Variants in NAALADL2 observed in about 807,000 individuals in gnomAD.
NAALADL2 encodes inactive N-acetylated-alpha-linked acidic dipeptidase-like protein 2.
A neutral mutation model predicts 87.2 loss-of-function variants in NAALADL2; 76 were observed. The ratio of observed to expected loss-of-function variants is 0.87; its 90% confidence interval spans 0.72 to 1.05. NAALADL2 has a LOEUF of 1.05. Among genes scored for constraint, NAALADL2 ranks in the 50% least tolerant of loss-of-function variants. The pLI is 0.00. For synonymous variants in NAALADL2, 354 were observed against 331.0 expected (o/e 1.07, Z -0.75); for missense variants, 1,089 against 945.8 (o/e 1.15, Z -1.99).
At chr3:174,709,299 G>C (rs577535756) in intron 2 of NAALADL2, among the ~76,000 whole-genome samples, 3 of 151,966 alleles carry the variant, frequency 2.0e-5, no homozygotes, top group Non-Finnish European at 4.4e-5. Context: ...AGTAAGAAAC[G>C]GTACTTTGTG....
Position 174,688,182 on chromosome 3 carries a change from A to G in NAALADL2, c.-114-49459A>G, listed in dbSNP as rs9863223. ...CCTGCCACTAAGTCCTGGCTTCACC[A>G]TATGTAAAATCTGTTGTCTTGGATA... On this transcript the variant is annotated intron_variant, in intron 2 of 3. Coordinates refer to the NAALADL2 transcript ENST00000434257. Among the ~76,000 whole-genome samples the G allele has an allele frequency of 2.3e-3, 356 of 152,284 alleles. 1 individual carries two copies. Among genetic ancestry groups the G allele is most frequent in the African/African-American group, 8.2e-3 (340 of 41,566 alleles).
At chr3:174,952,672 G>A (rs555344754) in intron 1 of NAALADL2, among the ~76,000 whole-genome samples, 1 of 152,222 alleles carries the variant, frequency 6.6e-6, no homozygotes, top group East Asian at 1.9e-4. Context: ...TGACGTGGTT[G>A]TGTTTGTAAC....
intron 3 of NAALADL2, among the ~76,000 whole-genome samples, chr3:175,246,991 G>A (rs1748112258): frequency 1.3e-5 from 2 of 152,168 alleles, no homozygotes. Context: ...ACTTTGGGGT[G>A]TGGAATTCCC....
At chr3:175,214,133 G>T (rs1429810299) in intron 2 of NAALADL2, among the ~76,000 whole-genome samples, 1 of 152,100 alleles carries the variant, frequency 6.6e-6, no homozygotes, top group Admixed American at 6.6e-5. Flanking sequence ...ATTTGGAGAA[G>T]AAATACTGGC....
At chr3:174,782,464 T>C (rs1443196846) in intron 3 of NAALADL2, among the ~76,000 whole-genome samples, 9 of 151,864 alleles carry the variant, frequency 5.9e-5, no homozygotes, top group African/African-American at 2.2e-4. Flanking sequence ...TACAACAAGA[T>C]GAAAAATTTG....
At chr3:174,487,719 AAGT>A (rs1717943541) in intron 1 of NAALADL2, among the ~76,000 whole-genome samples, 1 of 151,402 alleles carries the variant, frequency 6.6e-6, no homozygotes, top group Non-Finnish European at 1.5e-5. Context: ...TAACAATAGT[AAGT>A]AGTACAGATT....
chr3:175,294,072 G>T (rs1421843581), intron 4 of NAALADL2, among the ~76,000 whole-genome samples: 1 of 152,146 alleles, frequency 6.6e-6, no homozygotes, highest in Non-Finnish European at 1.5e-5. Context: ...TAGGCAAGAG[G>T]AGTAAGATCC....
chr3:175,135,562 T>A (rs1728991203), intron 2 of NAALADL2, among the ~76,000 whole-genome samples: 1 of 152,054 alleles, frequency 6.6e-6, no homozygotes, highest in Admixed American at 6.5e-5. Flanking sequence ...TGATTAAAAA[T>A]TACCGAGGAA....
intron 2 of NAALADL2, among the ~76,000 whole-genome samples, chr3:175,200,020 A>G (rs1014120727): frequency 6.6e-6 from 1 of 151,246 alleles, no homozygotes; most frequent in African/African-American, 2.4e-5. Context: ...CGAAAAGTCC[A>G]ACTGATCATT....
At chr3:175,012,500 C>T (rs542944226) in intron 1 of NAALADL2, among the ~76,000 whole-genome samples, 3 of 152,048 alleles carry the variant, frequency 2.0e-5, no homozygotes, top group Non-Finnish European at 2.9e-5. Flanking sequence ...AATGTTTACT[C>T]CTGAATTGTC....
chr3:175,196,169 C>G (rs190709235), intron 2 of NAALADL2, among the ~76,000 whole-genome samples: 15 of 151,906 alleles, frequency 9.9e-5, no homozygotes, highest in African/African-American at 3.1e-4. Flanking sequence ...TTTATATAAT[C>G]AAAAGCTGGT....
intron 2 of NAALADL2, among the ~76,000 whole-genome samples, chr3:174,689,390 G>A (rs1327127794): frequency 7.9e-6 from 1 of 126,434 alleles, no homozygotes; most frequent in Non-Finnish European, 1.8e-5. Context: ...TCTACCCCCC[G>A]CTTCACCTTT....
chr3:175,285,734 T>C (rs1350463063), intron 4 of NAALADL2, among the ~76,000 whole-genome samples: 5 of 152,134 alleles, frequency 3.3e-5, no homozygotes, highest in African/African-American at 1.2e-4. Context: ...TATATCTATA[T>C]TTTAAATGTC....
intron 1 of NAALADL2, among the ~76,000 whole-genome samples, chr3:174,953,538 T>C (rs1367168730): frequency 6.6e-6 from 1 of 151,880 alleles, no homozygotes; most frequent in Non-Finnish European, 1.5e-5. Flanking sequence ...ATGGAAGTCA[T>C]TGTTGCCTCC....
At chr3:174,908,521 C>T (rs1733265129) in intron 1 of NAALADL2, among the ~76,000 whole-genome samples, 1 of 151,954 alleles carries the variant, frequency 6.6e-6, no homozygotes, top group Non-Finnish European at 1.5e-5. Context: ...AATTTATTTT[C>T]AAAGTGGGTT....
intron 3 of NAALADL2, among the ~76,000 whole-genome samples, chr3:174,838,215 C>G (rs974275202): frequency 6.6e-5 from 10 of 151,934 alleles, no homozygotes; most frequent in Admixed American, 3.3e-4. Context: ...ATGTGATACA[C>G]CACATAAAGA....
chr3:175,144,562 G>A (rs1580681737), intron 2 of NAALADL2, among the ~76,000 whole-genome samples: 1 of 152,002 alleles, frequency 6.6e-6, no homozygotes, highest in Middle Eastern at 3.4e-3. Flanking sequence ...TCCAGAGATG[G>A]CCACTTTTAG....
At chr3:175,389,627 A>G (rs906466768) in intron 5 of NAALADL2, among the ~76,000 whole-genome samples, 20 of 152,364 alleles carry the variant, frequency 1.3e-4, no homozygotes, top group African/African-American at 4.6e-4. Flanking sequence ...ATAACTGTGA[A>G]TAAATCTTTC....
At chr3:174,931,422 G>T (rs1269396985) in intron 1 of NAALADL2, among the ~76,000 whole-genome samples, 1 of 152,070 alleles carries the variant, frequency 6.6e-6, no homozygotes, top group Non-Finnish European at 1.5e-5. Flanking sequence ...TACTAAAAGT[G>T]CCATATCGTA....
Sources: allele counts gnomAD v4.1 joint callset (sites outside exome capture counted in the v4.1 genomes callset), GRCh38; gene constraint gnomAD v4.1.1; transcripts MANE v1.5; gene names NCBI Gene and HGNC (gene_info 2026-07-23, HGNC 2026-07-21).